TRIM23: variants seen among roughly 807,000 people sequenced by gnomAD.
TRIM23 encodes the protein tripartite motif containing 23, also known as E3 ubiquitin-protein ligase TRIM23.
TRIM23 carries 27 observed loss-of-function variants against 71.0 expected under a neutral mutation model. The observed-to-expected ratio is 0.38, with a 90% CI of 0.28 to 0.52. The LOEUF (loss-of-function observed/expected upper bound fraction) is 0.52. TRIM23 is among the 20% of genes least tolerant of loss of function. The probability of loss-of-function intolerance (pLI) is 0.84; values close to 1 mark genes in which losing one functional copy is unlikely to be tolerated. For missense variants in TRIM23, 482 were observed against 692.3 expected, an observed-to-expected ratio of 0.70 and a Z score of 3.41; for synonymous variants, 234 against 238.0, an observed-to-expected ratio of 0.98 and a Z score of 0.16.
At chr5:65,621,262 G>C (rs566266445) in intron 1 of TRIM23, among the ~76,000 whole-genome samples, 1 of 152,174 alleles carries the variant, frequency 6.6e-6, no homozygotes, top group Non-Finnish European at 1.5e-5. Flanking sequence ...TGAGGCAGGA[G>C]AATGGTATGA....
At chr5:65,610,280 T>C (rs1754617418) in intron 5 of TRIM23, among the ~76,000 whole-genome samples, 1 of 152,220 alleles carries the variant, frequency 6.6e-6, no homozygotes, top group African/African-American at 2.4e-5. Context: ...GAGGAAAATC[T>C]GATTATATCA....
chr5:65,596,691 G>A (rs1754215594), intron 8 of TRIM23, among the ~76,000 whole-genome samples, 160 bp from the exon 9 acceptor site: 1 of 151,964 alleles, frequency 6.6e-6, no homozygotes, highest in Non-Finnish European at 1.5e-5. Context: ...CTCCTACGTG[G>A]TGAATGTATA....
intron 1 of TRIM23, 34 bp downstream of exon 1, chr5:65,624,160 G>A (rs761871141): frequency 1.2e-6 from 2 of 1,613,266 alleles, no homozygotes; most frequent in Non-Finnish European, 1.7e-6. Context: ...AAGGGAGGCC[G>A]ATGGTGGAGA....
In TRIM23 at chr5:65,614,239, A is replaced by G. The variant is rs761411426; in HGVS notation, c.245-20T>C. The G allele has an allele frequency of 6.2e-7, 1 of 1,606,076 alleles. No individual in the cohort carries two copies. The highest frequency in any genetic ancestry group is 8.5e-7 in the Non-Finnish European group (1 of 1,173,262). On this transcript the variant is annotated intron_variant, in intron 2 of 10. Transcript: ENST00000231524. ...AATCACCTAGAATAAATATAAAAAC[A>G]AAAACTAAATCTAACAAAATGGACT... is the stretch of plus-strand genomic sequence containing the variant.
At position 65,591,467 on chromosome 5, in the gene TRIM23, C is replaced by G. The variant is rs1284989299; in HGVS notation, c.*302G>C. 1.0e-5 allele frequency: 16 copies of G among 1,592,762 alleles called. No homozygotes were observed. The highest frequency in any genetic ancestry group is 6.8e-6 in the Non-Finnish European group (8 of 1,171,330). On this transcript the variant is annotated 3_prime_UTR_variant, in exon 11 of 11. Transcript: ENST00000231524. ...ACTTACCCTTTCTCTGTGACTACCT[C>G]TTTCCCAGTATATTGGTCACATATT...
At chr5:65,592,749 T>G (rs1204338673) in intron 10 of TRIM23, among the ~76,000 whole-genome samples, 2 of 152,184 alleles carry the variant, frequency 1.3e-5, no homozygotes, top group Non-Finnish European at 2.9e-5. Context: ...TAGTTTAGAC[T>G]TTCTATAACT....
chr5:65,604,440 C>T (rs1381323678), intron 7 of TRIM23, among the ~76,000 whole-genome samples: 2 of 151,726 alleles, frequency 1.3e-5, no homozygotes, highest in South Asian at 2.1e-4. Flanking sequence ...GAGATACACC[C>T]TAAAATATTT....
chr5:65,617,682 T>C (rs1327862481), intron 2 of TRIM23, among the ~76,000 whole-genome samples: 1 of 152,236 alleles, frequency 6.6e-6, no homozygotes, highest in Non-Finnish European at 1.5e-5. Flanking sequence ...TTGATATTAG[T>C]AAATAAAAAC....
rs1378005739 is a variant in TRIM23, at chr5:65,589,801, T to C, written c.*1968A>G. On this transcript the variant is annotated 3_prime_UTR_variant, in exon 11 of 11. Transcript: ENST00000231524. ...ATAGACTACGGCTATACACTTGACA[T>C]ACCTGCTTTATATAACATACAGTAA... The C allele has an allele frequency of 6.6e-6, 1 of 152,512 alleles. No individual in the cohort carries two copies. The highest frequency in any genetic ancestry group is 2.4e-5 in the African/African-American group (1 of 41,456). The allele number at this position is 152,512 out of a possible 1,614,324, so 9.4% of individuals were successfully genotyped here. A position where few individuals can be genotyped will look rare whatever the true frequency, so the allele number is the denominator to read the frequency against.
chr5:65,598,579 G>A (rs909779781), intron 7 of TRIM23, among the ~76,000 whole-genome samples: 8 of 152,052 alleles, frequency 5.3e-5, no homozygotes, highest in Admixed American at 1.3e-4. Flanking sequence ...GAGAAACCCC[G>A]TCTCTACTAA....
intron 5 of TRIM23, among the ~76,000 whole-genome samples, chr5:65,610,429 T>TA (rs1754620297): frequency 6.6e-6 from 1 of 152,220 alleles, no homozygotes; most frequent in Admixed American, 6.5e-5. Flanking sequence ...ATTCAATACT[T>TA]AAAGCTCTAA....
At chr5:65,606,446 A>G (rs1252851622) in intron 6 of TRIM23, among the ~76,000 whole-genome samples, 6 of 138,504 alleles carry the variant, frequency 4.3e-5, no homozygotes, top group African/African-American at 8.3e-5. Context: ...CCTGTCCCCA[A>G]CCCACTCCTC....
rs1259588247 is a variant in TRIM23, at chr5:65,594,503, A to G, written c.1545+18T>C. On this transcript the variant is annotated intron_variant, in intron 10 of 10. Transcript: ENST00000231524. ...ACAAAACTACTAAAATAAATATTCCAATATAAAAATGCATTACCTGTTTGT... is the reference window on the plus strand; with the variant it reads ...ACAAAACTACTAAAATAAATATTCCGATATAAAAATGCATTACCTGTTTGT... 2 of 1,594,812 alleles carry G rather than the reference A, an allele frequency of 1.3e-6. No homozygotes were observed. Among genetic ancestry groups the G allele is most frequent in the African/African-American group, 2.7e-5 (2 of 73,610 alleles).
At position 65,611,452 on chromosome 5, in the gene TRIM23, T is replaced by C. The variant is rs967985479; in HGVS notation, c.645+151A>G. ...TTATAACATTCAGAAATTAAATCTC[T>C]CATTTATTTTCATGCTACCAAACCC... On this transcript the variant is annotated intron_variant, in intron 4 of 10. Coordinates refer to ENST00000231524, the MANE Select transcript of TRIM23 (RefSeq NM_001656.4). 23 of 757,534 alleles carry C rather than the reference T, an allele frequency of 3.0e-5. No homozygotes were observed. In the East Asian group the frequency reaches 6.5e-4, roughly 21 times the overall value. 46.9% of individuals were successfully genotyped at this position (757,534 alleles called of 1,614,324 possible).
intron 2 of TRIM23, 117 bp downstream of exon 2, chr5:65,617,976 T>C: frequency 8.6e-7 from 1 of 1,161,014 alleles, no homozygotes; most frequent in Non-Finnish European, 1.2e-6. Context: ...TTAGGCTTTC[T>C]GAAACTTTCT....
intron 7 of TRIM23, among the ~76,000 whole-genome samples, chr5:65,602,825 C>T (rs1055645061): frequency 6.6e-6 from 1 of 152,130 alleles, no homozygotes; most frequent in East Asian, 1.9e-4. Context: ...TTCACTATCA[C>T]AAGAATAGCA....
At chr5:65,621,838 T>TTA (rs1754957270) in intron 1 of TRIM23, among the ~76,000 whole-genome samples, 6 of 151,526 alleles carry the variant, frequency 4.0e-5, no homozygotes, top group South Asian at 4.2e-4. Flanking sequence ...TATTATTATT[T>TTA]TTTTTTTGAG....
intron 8 of TRIM23, among the ~76,000 whole-genome samples, chr5:65,596,773 C>T (rs1754217932): frequency 6.6e-6 from 1 of 152,074 alleles, no homozygotes; most frequent in Non-Finnish European, 1.5e-5. Context: ...TACCTTCCAG[C>T]TCTGTTCCAC....
rs527295504 is a variant in TRIM23 at position 65,601,882 on chromosome 5, C to G, written c.1179+3029G>C. 2.6e-5 allele frequency among the ~76,000 whole-genome samples: 4 copies of G among 152,302 alleles called. No homozygotes were observed. The East Asian group carries it at 7.8e-4, about 30-fold the overall frequency. ...CCCCTTTCAGCCACAGCTGGAGCAG[C>G]TGGGACTCAGGGCATCAAGTCCCCA... On this transcript the variant is annotated intron_variant, in intron 7 of 10. Transcript: ENST00000231524.
Sources: gnomAD v4.1 joint callset for allele counts (sites outside exome capture counted in the v4.1 genomes callset) on GRCh38, gnomAD v4.1.1 for gene constraint, MANE v1.5 for transcripts, NCBI Gene and HGNC (gene_info 2026-07-23, HGNC 2026-07-21) for gene names.